TRDN: variants seen among roughly 807,000 people sequenced by gnomAD.
The protein encoded by TRDN is triadin, also known as triadin in skeletal muscle.
TRDN carries 161 observed loss-of-function variants against 149.7 expected under a neutral mutation model. That is an observed-to-expected ratio of 1.08 (90% CI 0.95 to 1.23). TRDN has a LOEUF of 1.23. Among genes scored for constraint, TRDN ranks in the 50% most tolerant of loss-of-function variants. The probability of loss-of-function intolerance (pLI) is 0.00; values close to 1 mark genes in which losing one functional copy is unlikely to be tolerated. For missense variants in TRDN, 896 were observed against 823.5 expected (o/e 1.09, Z -1.08); for synonymous variants, 294 against 250.5 (o/e 1.17, Z -1.64).
chr6:123,237,018 T>A (rs1448998041), intron 38 of TRDN, among the ~76,000 whole-genome samples: 6 of 152,150 alleles, frequency 3.9e-5, no homozygotes, highest in Non-Finnish European at 7.3e-5. Flanking sequence ...CTATGTTGAA[T>A]CTTCCAATTT....
chr6:123,379,297 TCCTC>T (rs1562285607), intron 16 of TRDN, among the ~76,000 whole-genome samples: 1 of 152,140 alleles, frequency 6.6e-6, no homozygotes, highest in East Asian at 1.9e-4. Flanking sequence ...GAGCAACTTA[TCCTC>T]TTTTAAGACA....
At chr6:123,298,625 T>G (rs1023931677) in intron 24 of TRDN, among the ~76,000 whole-genome samples, 3 of 152,088 alleles carry the variant, frequency 2.0e-5, no homozygotes, top group African/African-American at 7.2e-5. Flanking sequence ...TTGTCACACA[T>G]GATAAACCAT....
chr6:123,326,574 A>G (rs1046671549), intron 23 of TRDN, among the ~76,000 whole-genome samples: 16 of 151,902 alleles, frequency 1.1e-4, no homozygotes, highest in Non-Finnish European at 1.5e-5. Context: ...TACACCTACT[A>G]TTAATGTTTG....
At chr6:123,245,633 A>G in intron 38 of TRDN, among the ~76,000 whole-genome samples, 1 of 152,160 alleles carries the variant, frequency 6.6e-6, no homozygotes, top group East Asian at 1.9e-4. Flanking sequence ...ACACCCACAC[A>G]ATAATAGTGG....
chr6:123,349,392 G>A (rs891920543), intron 21 of TRDN: 30 of 385,594 alleles, frequency 7.8e-5, no homozygotes, highest in South Asian at 1.1e-4. Context: ...ATTCCCCAGC[G>A]CCTGGCCAGT....
At chr6:123,257,636 G>T (rs1272340146) in intron 35 of TRDN, among the ~76,000 whole-genome samples, 2 of 151,992 alleles carry the variant, frequency 1.3e-5, no homozygotes, top group African/African-American at 2.4e-5. Context: ...ACTCCTTTTT[G>T]GTTCCATATG....
At chr6:123,322,816 T>C (rs372545917) in intron 23 of TRDN, among the ~76,000 whole-genome samples, 1 of 151,784 alleles carries the variant, frequency 6.6e-6, no homozygotes, top group Admixed American at 6.6e-5. Context: ...AATTTTTGTA[T>C]TTTTAGTAGA....
intron 1 of TRDN, among the ~76,000 whole-genome samples, chr6:123,585,159 G>A (rs967480561): frequency 1.3e-5 from 2 of 149,696 alleles, no homozygotes; most frequent in Non-Finnish European, 3.0e-5. Flanking sequence ...GAATACAAGA[G>A]GAGCACGCAA....
At position 123,503,733 on chromosome 6, in the gene TRDN, T is replaced by C; in HGVS notation, c.779A>G (p.Lys260Arg). Residue 260 changes from lysine (K) to arginine (R), a missense_variant, in exon 8 of 41, where the codon AAG becomes AGG. Transcript: ENST00000334268. Reference sequence around the variant, plus strand: ...TGAATGTTTACCTTTCTGTTCATGCTTTGACACAGCTGCTTTCTCTTTGTC... The same window carrying C: ...TGAATGTTTACCTTTCTGTTCATGCCTTGACACAGCTGCTTTCTCTTTGTC... ...KEDKEKAAVS[K>R]HEQKDQYAFC... is the part of the protein sequence containing the mutation. 1 of 1,613,764 alleles carries C rather than the reference T, an allele frequency of 6.2e-7. No homozygotes were observed. The highest frequency in any genetic ancestry group is 1.1e-5 in the South Asian group (1 of 91,066).
At chr6:123,627,830 C>T (rs1235123410) in intron 1 of TRDN, among the ~76,000 whole-genome samples, 1 of 152,204 alleles carries the variant, frequency 6.6e-6, no homozygotes, top group East Asian at 1.9e-4. Context: ...CCACCTTGCA[C>T]TTTTATGTTG....
At chr6:123,411,383 T>C (rs1323695771) in intron 12 of TRDN, among the ~76,000 whole-genome samples, 1 of 151,976 alleles carries the variant, frequency 6.6e-6, no homozygotes, top group Non-Finnish European at 1.5e-5. Context: ...TTATGGCAAA[T>C]AAAGGGTCCT....
intron 2 of TRDN, among the ~76,000 whole-genome samples, chr6:123,560,340 A>G (rs1421001633): frequency 6.6e-6 from 1 of 151,888 alleles, no homozygotes; most frequent in Non-Finnish European, 1.5e-5. Flanking sequence ...ATTTATACTG[A>G]CTCTAAATAT....
intron 26 of TRDN, among the ~76,000 whole-genome samples, chr6:123,277,497 G>C (rs915087302): frequency 6.6e-6 from 1 of 152,140 alleles, no homozygotes; most frequent in Admixed American, 6.6e-5. Context: ...GTTAAGATGT[G>C]GTCATGGGGC....
chr6:123,401,359 C>T (rs1014526449), intron 12 of TRDN, among the ~76,000 whole-genome samples: 8 of 152,138 alleles, frequency 5.3e-5, no homozygotes, highest in African/African-American at 1.9e-4. Context: ...TAAGCAAACG[C>T]TTTCTGGTAC....
chr6:123,566,249 GA>G (rs1782289138), intron 2 of TRDN, among the ~76,000 whole-genome samples: 1 of 152,138 alleles, frequency 6.6e-6, no homozygotes, highest in Non-Finnish European at 1.5e-5. Flanking sequence ...AAATTTTGCA[GA>G]ATAGAAAGCA....
intron 10 of TRDN, among the ~76,000 whole-genome samples, chr6:123,452,514 A>C (rs74297130): frequency 8.6e-5 from 12 of 139,954 alleles, no homozygotes; most frequent in Admixed American, 7.8e-4. Flanking sequence ...CAAAAAAAAA[A>C]CGTAAGATAG....
chr6:123,505,782 C>T (rs557625606), intron 7 of TRDN, among the ~76,000 whole-genome samples: 1 of 151,980 alleles, frequency 6.6e-6, no homozygotes, highest in South Asian at 2.1e-4. Flanking sequence ...TCACTGCAAC[C>T]TCTGCCTCTC....
At position 123,352,325 on chromosome 6, in the gene TRDN, C is replaced by G. The variant is rs929537577; in HGVS notation, c.1369+214G>C. On this transcript the variant is annotated intron_variant, in intron 21 of 40. Coordinates refer to ENST00000334268, the MANE Select transcript of TRDN (RefSeq NM_006073.4). Reference sequence around the variant, plus strand: ...AAACAGTTTGGGGAGTTTCCCTGTTCGGAACTGATATTCAAAGTTCAGTTA... The same window carrying G: ...AAACAGTTTGGGGAGTTTCCCTGTTGGGAACTGATATTCAAAGTTCAGTTA... 16 of 984,664 alleles carry G rather than the reference C, an allele frequency of 1.6e-5. No individual in the cohort carries two copies. In the Admixed American group the frequency reaches 1.9e-4, roughly 11 times the overall value. The allele number at this position is 984,664 out of a possible 1,614,324, so 61.0% of individuals were successfully genotyped here.
At chr6:123,382,793 C>T (rs547179089) in intron 14 of TRDN, among the ~76,000 whole-genome samples, 1 of 152,074 alleles carries the variant, frequency 6.6e-6, no homozygotes, top group South Asian at 2.1e-4. Context: ...CAGCCTAGAT[C>T]TGATAAATTT....
Sources: allele counts gnomAD v4.1 joint callset (sites outside exome capture counted in the v4.1 genomes callset), GRCh38; gene constraint gnomAD v4.1.1; transcripts MANE v1.5; gene names NCBI Gene and HGNC (gene_info 2026-07-23, HGNC 2026-07-21).